Variants in SH3D21 observed in about 807,000 individuals in gnomAD.
SH3D21 encodes the protein manchette microtubule inner protein 1.
A neutral mutation model predicts 82.1 loss-of-function variants in SH3D21; 83 were observed. That is an observed-to-expected ratio of 1.01 (90% confidence interval 0.85 to 1.21). SH3D21 has a LOEUF of 1.21. Among genes scored for constraint, SH3D21 ranks in the 50% most tolerant of loss-of-function variants. The pLI is 0.00. For synonymous variants in SH3D21, 383 were observed against 387.8 expected, an observed-to-expected ratio of 0.99 and a Z score of 0.15; for missense variants, 980 against 962.1, an observed-to-expected ratio of 1.02 and a Z score of -0.25.
In SH3D21 at chr1:36,320,252, C is replaced by A. The variant is rs2358729; in HGVS notation, c.1589C>A (p.Ala530Asp). 10,104 of 1,612,868 alleles carry A rather than the reference C, an allele frequency of 6.3e-3. 575 individuals are homozygous for A. In the African/African-American group the frequency reaches 0.12, roughly 19 times the overall value. Residue 530 changes from alanine to aspartate, a missense_variant, in exon 14 of 16, where the codon GCC becomes GAC. Transcript: ENST00000453908. ...AKEDPSSQEE[A>D]HTPEAPPPQP... ...GAGGATCCATCATCCCAGGAGGAGG[C>A]CCACACGCCAGAGGCACCCCCACCC...
intron 10 of SH3D21, among the ~76,000 whole-genome samples, chr1:36,315,249 C>G (rs1363825141): frequency 6.6e-6 from 1 of 151,778 alleles, no homozygotes; most frequent in Non-Finnish European, 1.5e-5. Context: ...GCACTCCAGC[C>G]TAGGTGACAG....
chr1:36,322,596 C>G (rs1475496705), downstream of SH3D21: 12 of 1,561,036 alleles, frequency 7.7e-6, no homozygotes, highest in Non-Finnish European at 1.0e-5. Flanking sequence ...GCGGGGGTCC[C>G]GGCGCTGAGC....
downstream of SH3D21, chr1:36,321,809 C>A: frequency 6.0e-6 from 6 of 1,006,052 alleles, no homozygotes; most frequent in Non-Finnish European, 7.1e-6. The surrounding 1 kb of genome is among the most constrained non-coding windows in gnomAD (Gnocchi z 6.1). Context: ...AAGGAATGCG[C>A]GCGCGCTTGC....
rs376550684 is a variant in SH3D21 at position 36,314,276 on chromosome 1, G to A, written c.769+4686G>A. 1.3e-3 allele frequency among the ~76,000 whole-genome samples: 190 copies of A among 151,188 alleles called. 1 individual carries two copies. The highest frequency in any genetic ancestry group is 4.0e-3 in the African/African-American group (167 of 41,254). On this transcript the variant is annotated intron_variant, in intron 10 of 15. Coordinates refer to ENST00000453908, the MANE Select transcript of SH3D21 (RefSeq NM_001162530.2). Reference sequence around the variant, plus strand: ...AAGCGTGAGCCACCGCGCCCGGCCCGATGCTGAGCATATTTTCATGTGCTT... The same window carrying A: ...AAGCGTGAGCCACCGCGCCCGGCCCAATGCTGAGCATATTTTCATGTGCTT...
downstream of SH3D21, among the ~76,000 whole-genome samples, chr1:36,326,424 T>A (rs1448387844): frequency 2.0e-5 from 3 of 152,014 alleles, no homozygotes; most frequent in Admixed American, 6.6e-5. Context: ...AGAGATGGGG[T>A]TTCTCCATGT....
At chr1:36,311,329 C>T (rs1646236563) in intron 10 of SH3D21, among the ~76,000 whole-genome samples, 1 of 152,182 alleles carries the variant, frequency 6.6e-6, no homozygotes, top group Non-Finnish European at 1.5e-5. Flanking sequence ...CAAGCTCTGC[C>T]TCCCGGGTTC....
At chr1:36,312,185 C>T (rs146433733) in intron 10 of SH3D21, among the ~76,000 whole-genome samples, 3,254 of 151,956 alleles carry the variant, frequency 0.021, 50 homozygotes, top group South Asian at 0.033. Flanking sequence ...CTACCACGCC[C>T]GGCTAATTTT....
chr1:36,325,980 A>G (rs1159315526), downstream of SH3D21, among the ~76,000 whole-genome samples: 4 of 152,216 alleles, frequency 2.6e-5, no homozygotes, highest in Non-Finnish European at 4.4e-5. Context: ...GCATGACAGG[A>G]TAGGGTAATG....
chr1:36,328,461 GCA>G (rs1646565370), downstream of SH3D21: 1 of 297,168 alleles, frequency 3.4e-6, no homozygotes. Flanking sequence ...GAGGGTACTG[GCA>G]AAAATTTGCT....
At chr1:36,325,701 C>T (rs938717618), downstream of SH3D21, among the ~76,000 whole-genome samples, 7 of 152,098 alleles carry the variant, frequency 4.6e-5, no homozygotes, top group Non-Finnish European at 7.3e-5. Flanking sequence ...CCTGCCACCA[C>T]GCCTGGCTAA....
downstream of SH3D21, among the ~76,000 whole-genome samples, chr1:36,325,606 GCGATCT>G (rs1646534475): frequency 6.6e-6 from 1 of 152,018 alleles, no homozygotes; most frequent in Admixed American, 6.6e-5. Flanking sequence ...GTGCAGTGGC[GCGATCT>G]CGGCTCACTG....
intron 10 of SH3D21, among the ~76,000 whole-genome samples, chr1:36,309,994 G>A (rs1195586424): frequency 6.6e-6 from 1 of 151,738 alleles, no homozygotes; most frequent in Non-Finnish European, 1.5e-5. Context: ...TCACTCTGTC[G>A]CCCAGACTGG....
intron 7 of SH3D21, 21 bp from the exon 8 acceptor site, chr1:36,308,088 A>C: frequency 6.5e-7 from 1 of 1,545,580 alleles, no homozygotes; most frequent in Non-Finnish European, 8.7e-7. Flanking sequence ...TTCAGAGGAC[A>C]GTGGACTGAC....
In SH3D21 at chr1:36,321,112, G is replaced by A; in HGVS notation, c.2256G>A (p.Gln752=). The A allele has an allele frequency of 6.2e-7, 1 of 1,611,784 alleles. No homozygotes were observed. Among genetic ancestry groups the A allele is most frequent in the Non-Finnish European group, 8.5e-7 (1 of 1,179,276 alleles). ...AGACCCCGCGCGTCATCCACACGCA[G>A]ACGCAGACCTACTGAGGGTGGGCCT... is the stretch of plus-strand genomic sequence containing the variant. ...KSQTPRVIHT[Q]TQTY is the part of the protein sequence containing the mutation. Residue 752 remains glutamine (Q), a synonymous_variant, in exon 16 of 16, where the codon CAG becomes CAA. Transcript: ENST00000453908. This position sits in a 1 kb window ranked among gnomAD's most constrained non-coding sequence, Gnocchi z 6.1.
At chr1:36,323,668 G>GGGCGGGGA (rs914544872), downstream of SH3D21, 3 of 152,064 alleles carry the variant, frequency 2.0e-5, no homozygotes, top group African/African-American at 7.2e-5. Context: ...GGGGCGGGGC[G>GGGCGGGGA]GGCGGGGAGG....
Position 36,306,520 on chromosome 1 carries a change from T to G in SH3D21, c.5-78T>G. 1 of 1,303,672 alleles carries G rather than the reference T, an allele frequency of 7.7e-7. No homozygotes were observed. The highest frequency in any genetic ancestry group is 1.0e-6 in the Non-Finnish European group (1 of 988,322). 80.8% of individuals were successfully genotyped at this position (1,303,672 alleles called of 1,614,324 possible). ...GACCCCCGCTGCCCTCTACGGTGCT[T>G]GGGGACACGCCCGCCCTAGCCAGGC... On this transcript the variant is annotated intron_variant, in intron 1 of 15. Transcript: ENST00000453908. The surrounding 1 kb of genome is among the most constrained non-coding windows in gnomAD (Gnocchi z 4.5).
Position 36,307,261 on chromosome 1 carries a change from G to A in SH3D21, c.321G>A (p.Gly107=), listed in dbSNP as rs971116133. 25 of 1,551,836 alleles carry A rather than the reference G, an allele frequency of 1.6e-5. No homozygotes were observed. Among genetic ancestry groups the A allele is most frequent in the Non-Finnish European group, 2.2e-5 (25 of 1,147,024 alleles). ...EQADELKLQA[G]EIVEMIKEIE... Reference sequence around the variant, plus strand: ...CGGACGAGCTGAAGCTGCAAGCTGGGGAGATCGTGGAAATGATAAAGGAGG... The same window carrying A: ...CGGACGAGCTGAAGCTGCAAGCTGGAGAGATCGTGGAAATGATAAAGGAGG... The change falls in exon 4 of 16, where the codon GGG becomes GGA. Residue 107 remains glycine, a synonymous_variant. Coordinates refer to ENST00000453908, the MANE Select transcript of SH3D21 (RefSeq NM_001162530.2). This position sits in a 1 kb window ranked among gnomAD's most constrained non-coding sequence, Gnocchi z 5.4.
chr1:36,307,705 C>G lies in SH3D21; in HGVS notation c.437-65C>G. On this transcript the variant is annotated intron_variant, in intron 5 of 15. Coordinates refer to ENST00000453908, the MANE Select transcript of SH3D21 (RefSeq NM_001162530.2). The surrounding 1 kb of genome is among the most constrained non-coding windows in gnomAD (Gnocchi z 5.4). ...CACATATCCTGACCCTGTGACCCCT[C>G]TGACCCTCTCCCATGACCTAACCTG... The G allele has an allele frequency of 6.5e-7, 1 of 1,540,764 alleles. No individual in the cohort carries two copies. Among genetic ancestry groups the G allele is most frequent in the East Asian group, 2.5e-5 (1 of 40,734 alleles).
At chr1:36,321,814 G>A (rs1485934562), downstream of SH3D21, 3 of 1,010,136 alleles carry the variant, frequency 3.0e-6, no homozygotes, top group Non-Finnish European at 3.5e-6. This position sits in a 1 kb window ranked among gnomAD's most constrained non-coding sequence, Gnocchi z 6.1. Context: ...ATGCGCGCGC[G>A]CTTGCTCTGT....
Sources: gnomAD v4.1 joint callset for allele counts (sites outside exome capture counted in the v4.1 genomes callset) on GRCh38, gnomAD v4.1.1 for gene constraint, Gnocchi (gnomAD v3.1) non-coding constraint, MANE v1.5 for transcripts, NCBI Gene and HGNC (gene_info 2026-07-23, HGNC 2026-07-21) for gene names.